CCSER2: variants seen among roughly 807,000 people sequenced by gnomAD.
CCSER2 encodes coiled-coil serine rich protein 2.
Under a neutral mutation model 92.3 loss-of-function variants are expected in CCSER2, and 46 were observed. The ratio of observed to expected loss-of-function variants is 0.50; its 90% CI spans 0.39 to 0.64. The LOEUF (loss-of-function observed/expected upper bound fraction) is 0.64. Among genes scored for constraint, CCSER2 ranks in the 30% least tolerant of loss-of-function variants. CCSER2 has a pLI of 0.00. For synonymous variants in CCSER2, 433 were observed against 431.4 expected, an observed-to-expected ratio of 1.00 and a Z score of -0.04; for missense variants, 1,244 against 1,238.9, an observed-to-expected ratio of 1.00 and a Z score of -0.06.
intron 7 of CCSER2, among the ~76,000 whole-genome samples, chr10:84,469,247 G>A (rs1262796966): frequency 6.6e-6 from 1 of 151,978 alleles, no homozygotes; most frequent in Non-Finnish European, 1.5e-5. Context: ...CCTTCTAAAT[G>A]TATTCTTAGA....
chr10:84,513,735 A>G lies in CCSER2; in HGVS notation c.2612A>G (p.Tyr871Cys). Reference sequence around the variant, plus strand: ...ATTACTGTAAATGCTCAAGAGCCTTATCATTTGGCAAACAATCAAATTAGT... The same window carrying G: ...ATTACTGTAAATGCTCAAGAGCCTTGTCATTTGGCAAACAATCAAATTAGT... ...LNITVNAQEP[Y>C]HLANNQISDM... The change falls in exon 10 of 10, where the codon TAT becomes TGT. Residue 871 changes from tyrosine (Y) to cysteine (C), a missense_variant. Tyr to Cys is a radical substitution (Grantham distance 194). Coordinates refer to ENST00000372088, the MANE Select transcript of CCSER2 (RefSeq NM_001284240.2). The G allele has an allele frequency of 1.3e-6, 2 of 1,537,672 alleles. No homozygotes were observed. The highest frequency in any genetic ancestry group is 1.7e-6 in the Non-Finnish European group (2 of 1,147,006).
At chr10:84,336,627 G>A (rs942080434) in intron 1 of CCSER2, among the ~76,000 whole-genome samples, 1 of 152,196 alleles carries the variant, frequency 6.6e-6, no homozygotes, top group Non-Finnish European at 1.5e-5. Context: ...GGCCAGTGCA[G>A]GCATTGAGGG....
At chr10:84,388,794 A>G (rs934832122) in intron 3 of CCSER2, among the ~76,000 whole-genome samples, 1 of 152,096 alleles carries the variant, frequency 6.6e-6, no homozygotes, top group Non-Finnish European at 1.5e-5. Context: ...TGCGCAGTTC[A>G]CAATAGGGTT....
At chr10:84,357,489 A>G (rs1238878903) in intron 1 of CCSER2, among the ~76,000 whole-genome samples, 2 of 139,484 alleles carry the variant, frequency 1.4e-5, no homozygotes, top group Non-Finnish European at 3.0e-5. Flanking sequence ...TCTCTCTGTC[A>G]CCCTGGCTGG....
chr10:84,369,685 T>C (rs919485734), intron 1 of CCSER2, among the ~76,000 whole-genome samples: 25 of 152,238 alleles, frequency 1.6e-4, no homozygotes, highest in Non-Finnish European at 3.4e-4. Context: ...TATTTTTTTG[T>C]TGCATTTGCT....
intron 1 of CCSER2, among the ~76,000 whole-genome samples, chr10:84,362,907 G>A (rs1221225824): frequency 1.3e-5 from 2 of 151,652 alleles, no homozygotes; most frequent in African/African-American, 4.8e-5. Flanking sequence ...CGCAATCTCC[G>A]GTCACTGCAA....
chr10:84,387,432 G>C (rs17103411), intron 3 of CCSER2, among the ~76,000 whole-genome samples: 31,905 of 152,002 alleles, frequency 0.21, 3,601 homozygotes, highest in Admixed American at 0.34. Context: ...TCCTTTCTTC[G>C]TACGTCTAAT....
intron 1 of CCSER2, among the ~76,000 whole-genome samples, chr10:84,351,236 GT>G (rs1844840477): frequency 1.3e-5 from 2 of 151,266 alleles, no homozygotes; most frequent in Admixed American, 6.6e-5. Context: ...AAGTTTTTTT[GT>G]TTTTTGTTTT....
intron 9 of CCSER2, chr10:84,507,199 AC>A (rs1232288991): frequency 2.5e-6 from 1 of 392,256 alleles, no homozygotes; most frequent in East Asian, 1.6e-4. Flanking sequence ...TGTGGCTGCC[AC>A]CCAGTCATGG....
At chr10:84,398,732 A>G (rs1034320052) in intron 3 of CCSER2, among the ~76,000 whole-genome samples, 15 of 152,132 alleles carry the variant, frequency 9.9e-5, no homozygotes, top group African/African-American at 3.4e-4. Context: ...GCTGAAGTCT[A>G]CCCTCTTTGG....
intron 9 of CCSER2, among the ~76,000 whole-genome samples, chr10:84,493,460 T>C (rs1848279610): frequency 6.6e-6 from 1 of 152,238 alleles, no homozygotes; most frequent in South Asian, 2.1e-4. Context: ...TCCTGCTCTT[T>C]TATAGTGAAA....
intron 9 of CCSER2, among the ~76,000 whole-genome samples, chr10:84,510,026 A>G (rs903126990): frequency 1.3e-5 from 2 of 152,148 alleles, no homozygotes; most frequent in African/African-American, 4.8e-5. Context: ...AAACACACAC[A>G]TTAGATATTC....
At chr10:84,452,958 AGTT>A (rs1360238761) in intron 6 of CCSER2, among the ~76,000 whole-genome samples, 2 of 151,944 alleles carry the variant, frequency 1.3e-5, no homozygotes, top group African/African-American at 4.8e-5. Flanking sequence ...TATTTGATTC[AGTT>A]GTTGTTATAT....
chr10:84,388,766 C>T (rs1841361069), intron 3 of CCSER2, among the ~76,000 whole-genome samples: 1 of 152,150 alleles, frequency 6.6e-6, no homozygotes, highest in Non-Finnish European at 1.5e-5. Context: ...AAGGTGTGTG[C>T]AACCTAGATC....
chr10:84,474,884 TA>T (rs1847044906), intron 8 of CCSER2, among the ~76,000 whole-genome samples: 2 of 152,156 alleles, frequency 1.3e-5, no homozygotes, highest in African/African-American at 4.8e-5. Context: ...ATTTTAAAAA[TA>T]AAAACAGTTG....
rs1843363487 is a variant in CCSER2, at chr10:84,425,175, T to C, written c.1706-556T>C. The C allele has an allele frequency of 1.0e-5, 10 of 985,078 alleles. No homozygotes were observed. In the South Asian group the frequency reaches 4.2e-4, roughly 42 times the overall value. The allele number at this position is 985,078 out of a possible 1,614,324, so 61.0% of individuals were successfully genotyped here. A position where few individuals can be genotyped will look rare whatever the true frequency, so the allele number is the denominator to read the frequency against. ...TTGTTTTCAGTGGCATTTTAGACTT[T>C]TTGAACAAGCTCTTACTGCAGGCAG... On this transcript the variant is annotated intron_variant, in intron 4 of 9. Coordinates refer to ENST00000372088, the MANE Select transcript of CCSER2 (RefSeq NM_001284240.2).
At chr10:84,364,061 C>A (rs553683394) in intron 1 of CCSER2, among the ~76,000 whole-genome samples, 5 of 150,720 alleles carry the variant, frequency 3.3e-5, no homozygotes, top group Non-Finnish European at 7.4e-5. Flanking sequence ...AGAAAAGTTA[C>A]AATAAAAATA....
chr10:84,486,899 C>T (rs1275270637), intron 9 of CCSER2, among the ~76,000 whole-genome samples: 1 of 152,298 alleles, frequency 6.6e-6, no homozygotes, highest in African/African-American at 2.4e-5. Flanking sequence ...AGTCTTTAAT[C>T]CATCTTGAAT....
intron 5 of CCSER2, among the ~76,000 whole-genome samples, chr10:84,429,189 T>G (rs1843622833): frequency 6.6e-6 from 1 of 152,082 alleles, no homozygotes; most frequent in Non-Finnish European, 1.5e-5. Context: ...TGTTTTGTAG[T>G]ATTGACCAGT....
Sources: gnomAD v4.1 joint callset for allele counts (sites outside exome capture counted in the v4.1 genomes callset) on GRCh38, gnomAD v4.1.1 for gene constraint, MANE v1.5 for transcripts, NCBI Gene and HGNC (gene_info 2026-07-23, HGNC 2026-07-21) for gene names.